ACAP3: variants seen among roughly 807,000 people sequenced by gnomAD.
ACAP3 encodes arf-GAP with coiled-coil, ANK repeat and PH domain-containing protein 3.
In ACAP3, 56 loss-of-function variants were observed where a neutral mutation model predicts 104.1. The ratio of observed to expected loss-of-function variants is 0.54; its 90% CI spans 0.43 to 0.67. ACAP3 has a LOEUF of 0.67. Ranked by LOEUF, ACAP3 falls within the 30% of genes least tolerant of loss-of-function variation. ACAP3 has a pLI of 0.00. For synonymous variants in ACAP3, 628 were observed against 496.2 expected, an observed-to-expected ratio of 1.27 and a Z score of -3.53; for missense variants, 1,208 against 1,174.9, an observed-to-expected ratio of 1.03 and a Z score of -0.41.
chr1:1,301,908 G>T, intron 5 of ACAP3, 80 bp downstream of exon 5: 1 of 1,370,878 alleles, frequency 7.3e-7, no homozygotes, highest in Non-Finnish European at 9.7e-7. Flanking sequence ...AGGTGCCTCT[G>T]CTCTGCCCCA....
At chr1:1,295,620 C>T (rs1222353760) in intron 18 of ACAP3, 66 bp from the exon 19 acceptor site, 8 of 1,573,854 alleles carry the variant, frequency 5.1e-6, no homozygotes, top group South Asian at 1.1e-5. Context: ...CCCCAGGTCA[C>T]GCCGGGAGTC....
In ACAP3 at chr1:1,295,857, C is replaced by T; in HGVS notation, c.1584G>A (p.Glu528=). 2 of 1,611,832 alleles carry T rather than the reference C, an allele frequency of 1.2e-6. No homozygotes were observed. The highest frequency in any genetic ancestry group is 1.7e-6 in the Non-Finnish European group (2 of 1,179,972). Residue 528 remains glutamate (E), a synonymous_variant, in exon 18 of 24, where the codon GAG becomes GAA. Transcript: ENST00000354700. ...TCTGCACCCTCCAGCGTCTTGGGGC[C>T]TCCAGGGCTGGTGCCATGGGCGCCT... The part of the protein sequence containing the change: ...LRKAPMAPAL[E]APRRWRVQKC...
chr1:1,301,126 A>G (rs1641423888), intron 5 of ACAP3, among the ~76,000 whole-genome samples: 2 of 151,754 alleles, frequency 1.3e-5, no homozygotes, highest in Non-Finnish European at 1.5e-5. Flanking sequence ...GCTGGAGTGC[A>G]GTGGCACAGT....
chr1:1,307,616 G>A (rs966135868), intron 1 of ACAP3, among the ~76,000 whole-genome samples, 153 bp downstream of exon 1: 4 of 152,012 alleles, frequency 2.6e-5, no homozygotes, highest in African/African-American at 9.7e-5. Context: ...GCATGGCGGG[G>A]CGGGGCCGCC....
At chr1:1,301,639 A>G in intron 5 of ACAP3, 1 of 181,766 alleles carries the variant, frequency 5.5e-6, no homozygotes, top group South Asian at 2.0e-4. Context: ...GCCTGCCCGC[A>G]CCCCTGCTGA....
intron 4 of ACAP3, among the ~76,000 whole-genome samples, chr1:1,302,415 G>A (rs1641483874): frequency 6.6e-6 from 1 of 152,158 alleles, no homozygotes; most frequent in Non-Finnish European, 1.5e-5. Context: ...GGCTGGGCCT[G>A]GGGAGCTGGA....
chr1:1,307,908 T>G lies in ACAP3; in HGVS notation c.-93A>C. The G allele has an allele frequency of 1.4e-6, 1 of 708,060 alleles. No homozygotes were observed. The highest frequency in any genetic ancestry group is 1.7e-6 in the Non-Finnish European group (1 of 581,200). The allele number at this position is 708,060 out of a possible 1,614,324, so 43.9% of individuals were successfully genotyped here. A position where few individuals can be genotyped will look rare whatever the true frequency, so the allele number is the denominator to read the frequency against. On this transcript the variant is annotated 5_prime_UTR_variant, in exon 1 of 24. Coordinates refer to ENST00000354700, the MANE Select transcript of ACAP3 (RefSeq NM_030649.3). Reference sequence around the variant, plus strand: ...GACCGCTCGTCCCGCCCGCGCCGCCTCGGCGCCCGCCCGCCCCGGAATGAG... The same window carrying G: ...GACCGCTCGTCCCGCCCGCGCCGCCGCGGCGCCCGCCCGCCCCGGAATGAG...
chr1:1,296,694 G>C, intron 14 of ACAP3, 61 bp from the exon 15 acceptor site: 1 of 1,491,698 alleles, frequency 6.7e-7, no homozygotes, highest in Non-Finnish European at 9.0e-7. Flanking sequence ...TCCCCAGCAG[G>C]CCCCCTCCTC....
Position 1,296,844 on chromosome 1 carries a change from C to T in ACAP3, c.1129-211G>A, listed in dbSNP as rs78809555. 5.1e-3 allele frequency among the ~76,000 whole-genome samples: 753 copies of T among 147,226 alleles called. 3 individuals carry two copies. The highest frequency in any genetic ancestry group is 0.018 in the African/African-American group (731 of 41,036). ...ACACGCACACACGCGCACACCCTCACGTGGACAGGTGGCGCCGAGCACACG... is the reference window on the plus strand; with the variant it reads ...ACACGCACACACGCGCACACCCTCATGTGGACAGGTGGCGCCGAGCACACG... On this transcript the variant is annotated intron_variant, in intron 14 of 23. Transcript: ENST00000354700.
chr1:1,294,731 G>A lies in ACAP3; in HGVS notation c.1899C>T (p.Ser633=), dbSNP rs369609493. The A allele has an allele frequency of 1.3e-4, 209 of 1,549,540 alleles. 1 individual carries two copies. The highest frequency in any genetic ancestry group is 3.9e-5 in the Admixed American group (2 of 50,962). Residue 633 remains serine (S), a synonymous_variant, in exon 20 of 24, where the codon AGC becomes AGT. Coordinates refer to ENST00000354700, the MANE Select transcript of ACAP3 (RefSeq NM_030649.3). ...LAFGSGSVVD[S]VTEEEGAESE... is the part of the protein sequence containing the mutation. ...GACGCCACCCACCCTCCTCAGTGAC[G>A]CTGTCCACCACAGAGCCCGAGCCGA...
Position 1,296,610 on chromosome 1 carries a change from CG to C in ACAP3, c.1151del (p.Pro384ArgfsTer17). ...TGGCGGAGTCGATGCTGCTCGTGGA[CG>C]GGGATGCTGTGCGGTCCAGCCTCTG... ...YSERLDRTAS[P>X]STSSIDSATD... is the part of the protein sequence containing the mutation. On this transcript the variant is annotated frameshift_variant, in exon 15 of 24. Transcript: ENST00000354700. LOFTEE classifies it high-confidence loss of function. 6.5e-7 allele frequency: 1 copy of C among 1,538,006 alleles called. No individual in the cohort carries two copies.
chr1:1,294,399 C>A lies in ACAP3; in HGVS notation c.2139+3G>T. ...CTGCGCGCAGCCCCCGTGGCTCGCT[C>A]ACCCCTAGCACGGCCTGCACCAGCG... On this transcript the variant is annotated splice_donor_region_variant and intron_variant, in intron 21 of 23. Coordinates refer to ENST00000354700, the MANE Select transcript of ACAP3 (RefSeq NM_030649.3). The A allele has an allele frequency of 6.4e-7, 1 of 1,571,324 alleles. No homozygotes were observed. The highest frequency in any genetic ancestry group is 1.2e-5 in the South Asian group (1 of 86,082).
chr1:1,303,209 C>A lies in ACAP3; in HGVS notation c.178G>T (p.Gly60Cys). The A allele has an allele frequency of 6.2e-7, 1 of 1,607,270 alleles. No individual in the cohort carries two copies. The highest frequency in any genetic ancestry group is 8.5e-7 in the Non-Finnish European group (1 of 1,177,754). Reference protein sequence around the residue: ...YVSTSRLFVSGVRDLSQQCQG... With the variant: ...YVSTSRLFVSCVRDLSQQCQG... The stretch of plus-strand genomic sequence containing the variant: ...CACTGCTGGGACAGGTCGCGGACGC[C>A]GCTCACGAAAAGCCTGCTGGTGCTG... The change falls in exon 3 of 24, where the codon GGC becomes TGC. Residue 60 changes from glycine (G) to cysteine (C), a missense_variant. By Grantham distance (159) the Gly-to-Cys change is radical (BLOSUM62 -3). Transcript: ENST00000354700. The surrounding 1 kb of genome is among the most constrained non-coding windows in gnomAD (Gnocchi z 4.0).
rs1442673534 is a variant in ACAP3 at position 1,303,016 on chromosome 1, C to T, written c.226-41G>A. ...GGAACCCGTGCTGAGATGGCAAATC[C>T]GGGCCCAGGTCACCCAGCCACGCCC... On this transcript the variant is annotated intron_variant, in intron 3 of 23. Transcript: ENST00000354700. The surrounding 1 kb of genome is among the most constrained non-coding windows in gnomAD (Gnocchi z 4.0). The T allele has an allele frequency of 1.3e-5, 21 of 1,589,068 alleles. No individual in the cohort carries two copies. Among genetic ancestry groups the T allele is most frequent in the South Asian group, 4.6e-5 (4 of 87,892 alleles).
Position 1,295,743 on chromosome 1 carries a change from C to CA in ACAP3, c.1697dup (p.Ser567ValfsTer9). On this transcript the variant is annotated frameshift_variant, in exon 18 of 24. Transcript: ENST00000354700. LOFTEE classifies it high-confidence loss of function. ...CGGGGCATGGCCTCCCACCTGAGGA[C>CA]AGAGCGGCCACACAGGGCAGAACGG... 6.2e-7 allele frequency: 1 copy of CA among 1,602,212 alleles called. No homozygotes were observed. Among genetic ancestry groups the CA allele is most frequent in the Non-Finnish European group, 8.5e-7 (1 of 1,176,604 alleles).
chr1:1,295,686 C>A, intron 18 of ACAP3, 50 bp downstream of exon 18: 1 of 1,562,004 alleles, frequency 6.4e-7, no homozygotes, highest in South Asian at 1.2e-5. Flanking sequence ...CGGAGTCCAT[C>A]CCCGACCAAG....
Position 1,293,460 on chromosome 1 carries a change from A to C in ACAP3, c.*104T>G. The C allele has an allele frequency of 8.4e-7, 1 of 1,194,386 alleles. No individual in the cohort carries two copies. Among genetic ancestry groups the C allele is most frequent in the Non-Finnish European group, 1.1e-6 (1 of 940,630 alleles). The allele number at this position is 1,194,386 out of a possible 1,614,324, so 74.0% of individuals were successfully genotyped here. A position where few individuals can be genotyped will look rare whatever the true frequency, so the allele number is the denominator to read the frequency against. Reference sequence around the variant, plus strand: ...CCAGCACTGGGGCTGCCAGGTATCGACCCGCGGGTCACACGCAGGGCCGCG... The same window carrying C: ...CCAGCACTGGGGCTGCCAGGTATCGCCCCGCGGGTCACACGCAGGGCCGCG... On this transcript the variant is annotated 3_prime_UTR_variant, in exon 24 of 24. Coordinates refer to ENST00000354700, the MANE Select transcript of ACAP3 (RefSeq NM_030649.3).
At chr1:1,296,343 C>G in intron 15 of ACAP3, 63 bp from the exon 16 acceptor site, 1 of 1,548,672 alleles carries the variant, frequency 6.5e-7, no homozygotes, top group East Asian at 2.4e-5. Flanking sequence ...GCCCAACCCC[C>G]ACCCCCGGCC....
In ACAP3 at chr1:1,293,546, T is replaced by C; in HGVS notation, c.*18A>G. 1.4e-6 allele frequency: 2 copies of C among 1,427,100 alleles called. No individual in the cohort carries two copies. The highest frequency in any genetic ancestry group is 2.6e-5 in the South Asian group (2 of 77,778). 88.4% of individuals were successfully genotyped at this position (1,427,100 alleles called of 1,614,324 possible). On this transcript the variant is annotated 3_prime_UTR_variant, in exon 24 of 24. Coordinates refer to ENST00000354700, the MANE Select transcript of ACAP3 (RefSeq NM_030649.3). ...GCGTCGGGCCGGGCGGGGTGGCAGCTGCCCGGCCTGCCCGGCCCTAGCTCT... is the reference window on the plus strand; with the variant it reads ...GCGTCGGGCCGGGCGGGGTGGCAGCCGCCCGGCCTGCCCGGCCCTAGCTCT...
Sources: gnomAD v4.1 joint callset for allele counts (sites outside exome capture counted in the v4.1 genomes callset) on GRCh38, gnomAD v4.1.1 for gene constraint, Gnocchi (gnomAD v3.1) non-coding constraint, MANE v1.5 for transcripts, NCBI Gene and HGNC (gene_info 2026-07-23, HGNC 2026-07-21) for gene names.